Variants in PTPDC1 observed in about 807,000 individuals in gnomAD.
The protein encoded by PTPDC1 is protein tyrosine phosphatase domain-containing protein 1.
PTPDC1 carries 53 observed loss-of-function variants against 75.3 expected under a neutral mutation model. The ratio of observed to expected loss-of-function variants is 0.70; its 90% confidence interval spans 0.56 to 0.88. The LOEUF (loss-of-function observed/expected upper bound fraction) is 0.88. PTPDC1 is among the 40% of genes least tolerant of loss of function. The probability of loss-of-function intolerance (pLI) is 0.00; values close to 1 mark genes in which losing one functional copy is unlikely to be tolerated. For missense variants in PTPDC1, 925 were observed against 998.6 expected (o/e 0.93, Z 0.99); for synonymous variants, 349 against 366.2 (o/e 0.95, Z 0.54).
chr9:94,056,009 C>G (rs1825921711), intron 1 of PTPDC1, among the ~76,000 whole-genome samples: 1 of 152,112 alleles, frequency 6.6e-6, no homozygotes, highest in South Asian at 2.1e-4. Flanking sequence ...TTATAACAAA[C>G]TTACCACTCT....
chr9:94,033,763 A>G (rs559748157), intron 1 of PTPDC1, among the ~76,000 whole-genome samples: 7 of 152,348 alleles, frequency 4.6e-5, no homozygotes, highest in African/African-American at 1.7e-4. Context: ...TGATTTCCAA[A>G]AAGATGCATT....
At chr9:94,086,301 G>A (rs1230996503) in intron 2 of PTPDC1, among the ~76,000 whole-genome samples, 2 of 152,190 alleles carry the variant, frequency 1.3e-5, no homozygotes, top group Non-Finnish European at 2.9e-5. Flanking sequence ...AACATTCATA[G>A]TCAGACAAGA....
chr9:94,052,128 G>A, intron 1 of PTPDC1, among the ~76,000 whole-genome samples: 1 of 152,154 alleles, frequency 6.6e-6, no homozygotes, highest in East Asian at 1.9e-4. Flanking sequence ...ACATTTCAGT[G>A]CTATTAAGTA....
rs773728711 is a variant in PTPDC1 at position 94,095,403 on chromosome 9, T to C, written c.703T>C (p.Leu235=). 3 of 1,613,640 alleles carry C rather than the reference T, an allele frequency of 1.9e-6. No homozygotes were observed. In the South Asian group the frequency reaches 3.3e-5, roughly 18 times the overall value. Residue 235 remains leucine (L), a synonymous_variant, in exon 5 of 9, where the codon TTA becomes CTA. Transcript: ENST00000620992. ...LDMVKVMTFA[L]QEGKVAIHCH... is the part of the protein sequence containing the mutation. ...TATGGTGAAGGTGATGACATTTGCC[T>C]TACAGGAAGGAAAAGTAGCTATCCA...
chr9:94,074,688 C>G (rs558304106), intron 2 of PTPDC1, among the ~76,000 whole-genome samples: 1 of 152,302 alleles, frequency 6.6e-6, no homozygotes, highest in South Asian at 2.1e-4. Context: ...CCCCCTCATT[C>G]TGCTTCATTG....
intron 8 of PTPDC1, among the ~76,000 whole-genome samples, chr9:94,106,425 A>C (rs1828026902): frequency 6.6e-6 from 1 of 152,170 alleles, no homozygotes; most frequent in Non-Finnish European, 1.5e-5. Flanking sequence ...GAAACATTGG[A>C]GTTTCCTAAG....
Position 94,098,315 on chromosome 9 carries a change from T to A in PTPDC1, c.1749T>A (p.Thr583=). 1 of 1,614,174 alleles carries A rather than the reference T, an allele frequency of 6.2e-7. No individual in the cohort carries two copies. The highest frequency in any genetic ancestry group is 8.5e-7 in the Non-Finnish European group (1 of 1,180,034). ...HQQVSHCQCK[T]HGVGSPGSVR... ...AAGTGTCTCACTGTCAGTGTAAAAC[T>A]CATGGTGTTGGGAGCCCTGGCTCTG... The change falls in exon 6 of 9, where the codon ACT becomes ACA. Residue 583 remains threonine (T), a synonymous_variant. Transcript: ENST00000620992.
chr9:94,042,497 G>T (rs57565208), intron 1 of PTPDC1, among the ~76,000 whole-genome samples: 16 of 152,236 alleles, frequency 1.1e-4, no homozygotes, highest in African/African-American at 3.9e-4. Flanking sequence ...TATTAAGTGT[G>T]CAGTAGCATT....
At chr9:94,066,372 T>C (rs1826307324) in intron 2 of PTPDC1, among the ~76,000 whole-genome samples, 2 of 152,218 alleles carry the variant, frequency 1.3e-5, no homozygotes, top group Non-Finnish European at 2.9e-5. Flanking sequence ...AAGATAGTTA[T>C]ACTTTATTAT....
chr9:94,102,649 A>G (rs996954146), intron 7 of PTPDC1, among the ~76,000 whole-genome samples: 8 of 152,034 alleles, frequency 5.3e-5, no homozygotes, highest in African/African-American at 1.9e-4. Flanking sequence ...GCGCGATCTC[A>G]GCTCACTGCA....
At chr9:94,055,781 G>A (rs1390195113) in intron 1 of PTPDC1, among the ~76,000 whole-genome samples, 2 of 152,116 alleles carry the variant, frequency 1.3e-5, no homozygotes, top group Non-Finnish European at 2.9e-5. Context: ...GGTTCCCAGG[G>A]TTTCAAGGAG....
chr9:94,077,758 C>T (rs1826743057), intron 2 of PTPDC1, among the ~76,000 whole-genome samples: 1 of 152,144 alleles, frequency 6.6e-6, no homozygotes, highest in East Asian at 1.9e-4. Flanking sequence ...AACCTTCAGC[C>T]CTCTCCCCTC....
At chr9:94,050,769 G>A (rs1401890175) in intron 1 of PTPDC1, among the ~76,000 whole-genome samples, 1 of 152,222 alleles carries the variant, frequency 6.6e-6, no homozygotes, top group Admixed American at 6.5e-5. Context: ...AGTCTGCAGA[G>A]GTTTCTGCTG....
intron 1 of PTPDC1, among the ~76,000 whole-genome samples, chr9:94,049,709 A>G (rs189326959): frequency 6.6e-6 from 1 of 152,096 alleles, no homozygotes; most frequent in Non-Finnish European, 1.5e-5. Context: ...TGCTCTTCTC[A>G]AGGAGTATCT....
intron 5 of PTPDC1, 97 bp downstream of exon 5, chr9:94,095,551 T>A: frequency 9.6e-7 from 1 of 1,036,716 alleles, no homozygotes; most frequent in Non-Finnish European, 1.4e-6. Context: ...CAGAATCCTA[T>A]CAAAGCTTTG....
chr9:94,084,812 T>A, intron 1 of PTPDC1, 38 bp downstream of exon 1: 1 of 1,389,670 alleles, frequency 7.2e-7, no homozygotes, highest in African/African-American at 1.4e-5. Context: ...CCTATGTATA[T>A]AAGTTTGAGG....
At chr9:94,087,441 T>C (rs995074325) in intron 2 of PTPDC1, among the ~76,000 whole-genome samples, 1 of 152,138 alleles carries the variant, frequency 6.6e-6, no homozygotes, top group African/African-American at 2.4e-5. Flanking sequence ...AAGCAAAGTA[T>C]CTAACAGTGC....
chr9:94,098,746 G>T, intron 6 of PTPDC1, 167 bp downstream of exon 6: 1 of 649,774 alleles, frequency 1.5e-6, no homozygotes, highest in Non-Finnish European at 2.6e-6. Context: ...TGATGTTATA[G>T]AAAAAACACA....
At chr9:94,079,438 G>T (rs1299015788) in intron 2 of PTPDC1, among the ~76,000 whole-genome samples, 1 of 152,150 alleles carries the variant, frequency 6.6e-6, no homozygotes, top group African/African-American at 2.4e-5. Flanking sequence ...GTCATCTGTT[G>T]CCCTACAATC....
Sources: allele counts gnomAD v4.1 joint callset (sites outside exome capture counted in the v4.1 genomes callset), GRCh38; gene constraint gnomAD v4.1.1; transcripts MANE v1.5; gene names NCBI Gene and HGNC (gene_info 2026-07-23, HGNC 2026-07-21).